The following B4GALNT3 variants were observed in gnomAD, a reference collection of about 807,000 sequenced individuals.
B4GALNT3 encodes beta-1,4-N-acetylgalactosaminyltransferase 3.
B4GALNT3 carries 86 observed loss-of-function variants against 120.2 expected under a neutral mutation model. That is an observed-to-expected ratio of 0.72 (90% CI 0.60 to 0.86). The LOEUF (loss-of-function observed/expected upper bound fraction) is 0.86, where lower values mean the gene tolerates loss of function less well. B4GALNT3 is among the 40% of genes least tolerant of loss of function. The pLI, the probability that B4GALNT3 is intolerant of heterozygous loss-of-function variation, is 0.00. For synonymous variants in B4GALNT3, 518 were observed against 510.4 expected (o/e 1.01, Z -0.20); for missense variants, 1,167 against 1,298.9 (o/e 0.90, Z 1.56).
intron 1 of B4GALNT3, among the ~76,000 whole-genome samples, chr12:474,214 A>G (rs1369316785): frequency 2.0e-5 from 3 of 152,198 alleles, no homozygotes; most frequent in Non-Finnish European, 4.4e-5. Context: ...GGTACTGGCT[A>G]AAGACTGTCT....
chr12:547,787 C>A (rs1592053579), intron 7 of B4GALNT3, among the ~76,000 whole-genome samples: 1 of 152,206 alleles, frequency 6.6e-6, no homozygotes, highest in Non-Finnish European at 1.5e-5. Flanking sequence ...TCTTTGGGTT[C>A]TTCCGATCAT....
rs776962080 is a variant in B4GALNT3, at chr12:550,898, C to T, written c.998-24C>T. 5.8e-6 allele frequency: 9 copies of T among 1,556,424 alleles called. No homozygotes were observed. In the African/African-American group the frequency reaches 8.1e-5, roughly 14 times the overall value. On this transcript the variant is annotated intron_variant, in intron 10 of 19. Coordinates refer to ENST00000266383, the MANE Select transcript of B4GALNT3 (RefSeq NM_173593.4). The surrounding 1 kb of genome is among the most constrained non-coding windows in gnomAD (Gnocchi z 4.1). ...AGTTTCGTGCTCACCCTCACCCTCA[C>T]TCCTCCTCCTCCACTGTCCTCAGTG...
intron 1 of B4GALNT3, among the ~76,000 whole-genome samples, chr12:489,052 A>G (rs1019818606): frequency 5.3e-5 from 8 of 152,096 alleles, no homozygotes; most frequent in African/African-American, 1.7e-4. Flanking sequence ...ATTTTCAGCA[A>G]ACTAACACAG....
At chr12:511,339 TC>T (rs199673861) in intron 1 of B4GALNT3, among the ~76,000 whole-genome samples, 10 of 51,130 alleles carry the variant, frequency 2.0e-4, no homozygotes, top group South Asian at 8.5e-4. Context: ...CCTTCCACCT[TC>T]CTTCCACCTT....
chr12:519,309 A>G (rs1010647944), intron 1 of B4GALNT3, among the ~76,000 whole-genome samples: 5 of 152,238 alleles, frequency 3.3e-5, no homozygotes, highest in African/African-American at 1.2e-4. Flanking sequence ...GGATACCGGC[A>G]GCTATCACAG....
intron 12 of B4GALNT3, 147 bp downstream of exon 12, chr12:552,310 C>T: frequency 1.3e-6 from 1 of 763,636 alleles, no homozygotes; most frequent in South Asian, 1.6e-5. Flanking sequence ...CACACACACA[C>T]ACACACACAC....
intron 7 of B4GALNT3, 110 bp downstream of exon 7, chr12:546,823 G>A (rs1035321778): frequency 8.4e-6 from 9 of 1,066,146 alleles, no homozygotes; most frequent in Non-Finnish European, 1.2e-5. Flanking sequence ...CGTGTGTCCG[G>A]CACCCACACG....
intron 14 of B4GALNT3, among the ~76,000 whole-genome samples, chr12:556,071 C>CG (rs1565612044): frequency 6.6e-6 from 1 of 152,212 alleles, no homozygotes; most frequent in Non-Finnish European, 1.5e-5. Flanking sequence ...GTGTGAGCCA[C>CG]TGCACCTGGC....
intron 1 of B4GALNT3, among the ~76,000 whole-genome samples, chr12:527,831 T>C (rs1489855770): frequency 2.0e-5 from 3 of 152,118 alleles, no homozygotes; most frequent in Non-Finnish European, 2.9e-5. Flanking sequence ...CGTGGGACAA[T>C]AGAGTTGGGT....
chr12:500,006 G>A (rs1226952483), intron 1 of B4GALNT3, among the ~76,000 whole-genome samples: 3 of 152,278 alleles, frequency 2.0e-5, no homozygotes, highest in South Asian at 4.1e-4. Context: ...TGCTCTTGCC[G>A]AGGCTTGCTG....
At chr12:493,181 A>C (rs2120512642) in intron 1 of B4GALNT3, among the ~76,000 whole-genome samples, 1 of 152,374 alleles carries the variant, frequency 6.6e-6, no homozygotes, top group East Asian at 1.9e-4. Flanking sequence ...AAACATTTGC[A>C]AAAGACATAT....
At chr12:511,300 A>ACCTTCCACCTTCCGCCTTCTG (rs1415027751) in intron 1 of B4GALNT3, among the ~76,000 whole-genome samples, 1,182 of 47,310 alleles carry the variant, frequency 0.025, 80 homozygotes, top group Middle Eastern at 0.044. Context: ...TCGACCTTCC[A>ACCTTCCACCTTCCGCCTTCTG]CCTTCCACCT....
At chr12:547,560 C>T (rs1280623150) in intron 7 of B4GALNT3, among the ~76,000 whole-genome samples, 2 of 152,106 alleles carry the variant, frequency 1.3e-5, no homozygotes, top group African/African-American at 2.4e-5. Context: ...GTGGTGGGTA[C>T]GCCGTGTGCA....
chr12:534,668 C>A (rs541311453), intron 1 of B4GALNT3, among the ~76,000 whole-genome samples: 1 of 152,322 alleles, frequency 6.6e-6, no homozygotes, highest in African/African-American at 2.4e-5. Flanking sequence ...ATCCCAGGCC[C>A]ACTCTTTCCT....
Position 513,928 on chromosome 12 carries a change from T to C in B4GALNT3, c.170-21238T>C, listed in dbSNP as rs145089004. Reference sequence around the variant, plus strand: ...GCTAAGTTATATTCTGTTGTGTGGATAGACCACATTTTGCTTCTCCATTCA... The same window carrying C: ...GCTAAGTTATATTCTGTTGTGTGGACAGACCACATTTTGCTTCTCCATTCA... On this transcript the variant is annotated intron_variant, in intron 1 of 19. Transcript: ENST00000266383. Among the ~76,000 whole-genome samples the C allele has an allele frequency of 1.9e-4, 29 of 152,364 alleles. 2 individuals carry two copies. The highest frequency in any genetic ancestry group is 6.7e-4 in the African/African-American group (28 of 41,586).
At chr12:534,364 C>G (rs548477012) in intron 1 of B4GALNT3, among the ~76,000 whole-genome samples, 51 of 152,242 alleles carry the variant, frequency 3.3e-4, no homozygotes, top group Non-Finnish European at 6.2e-4. Flanking sequence ...TCCCAGCCCT[C>G]GGGAGTGTCA....
intron 1 of B4GALNT3, among the ~76,000 whole-genome samples, chr12:498,092 G>T (rs574278654): frequency 5.4e-4 from 82 of 152,086 alleles, no homozygotes; most frequent in South Asian, 1.0e-3. Context: ...CCCCTTCACT[G>T]CCCTGTCGGT....
rs190172861 is a variant in B4GALNT3, at chr12:521,236, C to T, written c.170-13930C>T. ...TCATCACCCTCCTGATGTAGCCCACCCTCCACCACCACGGGACACCTGGGG... is the reference window on the plus strand; with the variant it reads ...TCATCACCCTCCTGATGTAGCCCACTCTCCACCACCACGGGACACCTGGGG... On this transcript the variant is annotated intron_variant, in intron 1 of 19. Coordinates refer to ENST00000266383, the MANE Select transcript of B4GALNT3 (RefSeq NM_173593.4). Among the ~76,000 whole-genome samples the T allele has an allele frequency of 9.9e-3, 1,509 of 152,240 alleles. 14 individuals carry two copies. Among genetic ancestry groups the T allele is most frequent in the Non-Finnish European group, 0.017 (1,148 of 68,012 alleles).
intron 1 of B4GALNT3, among the ~76,000 whole-genome samples, chr12:466,409 CA>C (rs769868336): frequency 2.0e-4 from 30 of 152,290 alleles, no homozygotes; most frequent in African/African-American, 7.0e-4. Flanking sequence ...CCACCAGTCT[CA>C]AAAACTACGC....
Sources: gnomAD v4.1 joint callset for allele counts (sites outside exome capture counted in the v4.1 genomes callset) on GRCh38, gnomAD v4.1.1 for gene constraint, Gnocchi (gnomAD v3.1) non-coding constraint, MANE v1.5 for transcripts, NCBI Gene and HGNC (gene_info 2026-07-23, HGNC 2026-07-21) for gene names.